BACH2: variants seen among roughly 807,000 people sequenced by gnomAD.
BACH2 encodes transcription regulator protein BACH2.
In BACH2, 5 loss-of-function variants were observed where a neutral mutation model predicts 61.8. The ratio of observed to expected loss-of-function variants is 0.08; its 90% CI spans 0.04 to 0.17. BACH2 has a LOEUF of 0.17. BACH2 is among the 10% of genes least tolerant of loss of function. BACH2 has a pLI of 1.00. For missense variants in BACH2, 824 were observed against 1,091.1 expected (o/e 0.76, Z 3.45); for synonymous variants, 446 against 440.1 (o/e 1.01, Z -0.17).
chr6:90,081,949 C>T (rs1399598399), intron 5 of BACH2, among the ~76,000 whole-genome samples: 3 of 152,112 alleles, frequency 2.0e-5, no homozygotes, highest in Non-Finnish European at 4.4e-5. Flanking sequence ...ACCAGCACAA[C>T]TCAAGGAGCT....
chr6:90,234,121 G>T (rs753511908), intron 3 of BACH2, among the ~76,000 whole-genome samples: 1 of 152,158 alleles, frequency 6.6e-6, no homozygotes, highest in Non-Finnish European at 1.5e-5. Flanking sequence ...TGGGCTGTGC[G>T]GATTGGGGAG....
chr6:90,242,753 G>A (rs1186269412), intron 3 of BACH2, among the ~76,000 whole-genome samples: 1 of 152,112 alleles, frequency 6.6e-6, no homozygotes, highest in East Asian at 1.9e-4. Flanking sequence ...TGTGACCAGT[G>A]CATTATTTAT....
chr6:90,188,398 T>C (rs1330140230), intron 4 of BACH2, among the ~76,000 whole-genome samples: 1 of 152,184 alleles, frequency 6.6e-6, no homozygotes, highest in Non-Finnish European at 1.5e-5. Flanking sequence ...AGTTTCAGTT[T>C]CAAATGATAT....
chr6:90,182,627 G>C (rs1768208160), intron 4 of BACH2, among the ~76,000 whole-genome samples: 1 of 152,130 alleles, frequency 6.6e-6, no homozygotes, highest in Admixed American at 6.6e-5. Flanking sequence ...ATTAAATATT[G>C]GTTCCATGAA....
intron 5 of BACH2, among the ~76,000 whole-genome samples, chr6:90,032,837 C>A (rs1005977434): frequency 6.6e-6 from 1 of 152,152 alleles, no homozygotes; most frequent in Non-Finnish European, 1.5e-5. Context: ...TACTATTTGA[C>A]CCAGCAATTC....
chr6:90,006,437 C>G (rs1278765230), intron 6 of BACH2, among the ~76,000 whole-genome samples: 1 of 152,174 alleles, frequency 6.6e-6, no homozygotes, highest in East Asian at 1.9e-4. Context: ...GGTACCCAGT[C>G]CCCACTCCTT....
At chr6:90,185,032 T>C (rs1768305678) in intron 4 of BACH2, among the ~76,000 whole-genome samples, 1 of 152,166 alleles carries the variant, frequency 6.6e-6, no homozygotes, top group Non-Finnish European at 1.5e-5. Context: ...TGTCAGCCGG[T>C]ATGAATGGTA....
At chr6:90,060,190 TAAAAA>T (rs202132019) in intron 5 of BACH2, among the ~76,000 whole-genome samples, 1 of 150,384 alleles carries the variant, frequency 6.6e-6, no homozygotes, top group African/African-American at 2.4e-5. Flanking sequence ...ACTCTTCACT[TAAAAA>T]AAAAGAAAAA....
intron 4 of BACH2, among the ~76,000 whole-genome samples, chr6:90,192,277 A>G (rs907164397): frequency 3.3e-5 from 5 of 151,672 alleles, no homozygotes; most frequent in African/African-American, 1.2e-4. Flanking sequence ...GAATCCAAAA[A>G]TTTACAGTGG....
At chr6:90,109,811 G>C (rs1783088606) in intron 4 of BACH2, among the ~76,000 whole-genome samples, 1 of 152,106 alleles carries the variant, frequency 6.6e-6, no homozygotes, top group Non-Finnish European at 1.5e-5. Flanking sequence ...TCAGTGTTTA[G>C]ACATGTTGGT....
chr6:90,164,608 C>T (rs999174367), intron 4 of BACH2, among the ~76,000 whole-genome samples: 1 of 151,948 alleles, frequency 6.6e-6, no homozygotes, highest in Non-Finnish European at 1.5e-5. Context: ...GAGTCACAAC[C>T]AAAAAAGAGA....
intron 4 of BACH2, among the ~76,000 whole-genome samples, chr6:90,131,390 G>C (rs907970032): frequency 1.3e-5 from 2 of 152,172 alleles, no homozygotes; most frequent in Non-Finnish European, 2.9e-5. Flanking sequence ...CCTTTGTGTA[G>C]TTGACTCCTC....
chr6:90,272,995 G>A (rs1364333067), intron 1 of BACH2, among the ~76,000 whole-genome samples: 1 of 152,084 alleles, frequency 6.6e-6, no homozygotes, highest in East Asian at 1.9e-4. Flanking sequence ...AAGAACTCAG[G>A]CTCTGGATCC....
chr6:90,128,759 A>G (rs2127822608), intron 4 of BACH2, among the ~76,000 whole-genome samples: 1 of 152,356 alleles, frequency 6.6e-6, no homozygotes, highest in East Asian at 1.9e-4. Context: ...AGACACATGC[A>G]CACATATGTT....
At chr6:90,136,602 T>C (rs1262077062) in intron 4 of BACH2, among the ~76,000 whole-genome samples, 1 of 152,152 alleles carries the variant, frequency 6.6e-6, no homozygotes. Flanking sequence ...AGTGAACTGT[T>C]AGGAAGGAGA....
chr6:90,274,591 T>C (rs1439789552), intron 1 of BACH2, among the ~76,000 whole-genome samples: 1 of 152,142 alleles, frequency 6.6e-6, no homozygotes, highest in African/African-American at 2.4e-5. Context: ...TGACCACCTG[T>C]AGCAGCCTCA....
intron 4 of BACH2, among the ~76,000 whole-genome samples, chr6:90,119,164 G>A (rs1192427989): frequency 6.6e-6 from 1 of 152,094 alleles, no homozygotes; most frequent in Non-Finnish European, 1.5e-5. Flanking sequence ...AAGCTTCCAT[G>A]TGCCTATGAC....
chr6:90,100,687 A>C lies in BACH2; in HGVS notation c.-161-11578T>G, dbSNP rs543033659. ...ATCTGTCCCTTTCCTCTCTCTCTCT[A>C]CACACACACACACAGACACACACAC... On this transcript the variant is annotated intron_variant, in intron 4 of 8. Coordinates refer to ENST00000257749, the MANE Select transcript of BACH2 (RefSeq NM_021813.4). Among the ~76,000 whole-genome samples the C allele has an allele frequency of 7.0e-5, 9 of 129,424 alleles. No homozygotes were observed. In the East Asian group the frequency reaches 1.0e-3, roughly 14 times the overall value. The allele number at this position is 129,424 out of a possible 152,430, so 84.9% of individuals were successfully genotyped here.
At chr6:90,296,089 G>C (rs1385344640) in intron 1 of BACH2, among the ~76,000 whole-genome samples, 1 of 152,016 alleles carries the variant, frequency 6.6e-6, no homozygotes, top group African/African-American at 2.4e-5. Context: ...TCTGACAGCT[G>C]CTGCGGCTCG....
Sources: allele counts gnomAD v4.1 joint callset (sites outside exome capture counted in the v4.1 genomes callset), GRCh38; gene constraint gnomAD v4.1.1; transcripts MANE v1.5; gene names NCBI Gene and HGNC (gene_info 2026-07-23, HGNC 2026-07-21).